PLPPR5: variants seen among roughly 807,000 people sequenced by gnomAD.
PLPPR5 encodes the protein phospholipid phosphatase-related protein type 5.
PLPPR5 carries 16 observed loss-of-function variants against 33.9 expected under a neutral mutation model. The observed-to-expected ratio is 0.47, with a 90% confidence interval of 0.32 to 0.72. PLPPR5 has a LOEUF of 0.72. Among genes scored for constraint, PLPPR5 ranks in the 30% least tolerant of loss-of-function variants. The pLI, the probability that PLPPR5 is intolerant of heterozygous loss-of-function variation, is 0.03. For missense variants in PLPPR5, 301 were observed against 406.7 expected, an observed-to-expected ratio of 0.74 and a Z score of 2.23; for synonymous variants, 163 against 150.3, an observed-to-expected ratio of 1.08 and a Z score of -0.62.
intron 3 of PLPPR5, among the ~76,000 whole-genome samples, chr1:98,951,869 C>T (rs1356458005): frequency 6.6e-6 from 1 of 152,040 alleles, no homozygotes; most frequent in Non-Finnish European, 1.5e-5. Context: ...AATTTGGTTT[C>T]GAATTGGTCC....
intron 4 of PLPPR5, among the ~76,000 whole-genome samples, chr1:98,915,595 C>G (rs1240310751): frequency 7.3e-5 from 11 of 151,458 alleles, no homozygotes. Context: ...AAATAAAAAG[C>G]CTGATGTTCT....
intron 1 of PLPPR5, 96 bp downstream of exon 1, chr1:99,004,339 A>T: frequency 9.1e-7 from 1 of 1,097,730 alleles, no homozygotes; most frequent in African/African-American, 1.6e-5. Flanking sequence ...TAGAAGGCAA[A>T]ACCTACTGCG....
intron 3 of PLPPR5, among the ~76,000 whole-genome samples, chr1:98,952,287 C>A (rs1037280607): frequency 6.8e-6 from 1 of 147,214 alleles, no homozygotes; most frequent in African/African-American, 2.5e-5. Flanking sequence ...AAAAAAAAAT[C>A]TCTGACCTTA....
chr1:99,004,839 G>A lies in PLPPR5; in HGVS notation c.-168C>T. 1 of 291,640 alleles carries A rather than the reference G, an allele frequency of 3.4e-6. No homozygotes were observed. Among genetic ancestry groups the A allele is most frequent in the Non-Finnish European group, 6.0e-6 (1 of 165,426 alleles). 18.1% of individuals were successfully genotyped at this position (291,640 alleles called of 1,614,324 possible). ...TGGAGGAAGAGGCGGAGGCAGGTCC[G>A]GGCTTCGAGGCGCCGGCAGGCTGCA... On this transcript the variant is annotated 5_prime_UTR_variant, in exon 1 of 6. Coordinates refer to ENST00000263177, the MANE Select transcript of PLPPR5 (RefSeq NM_001037317.2).
intron 3 of PLPPR5, among the ~76,000 whole-genome samples, chr1:98,933,482 C>CA (rs66504258): frequency 0.26 from 22,751 of 88,900 alleles, 3,360 homozygotes; most frequent in African/African-American, 0.45. Context: ...GACTCCGTCT[C>CA]AAAAAAAAAA....
At chr1:98,941,455 G>A (rs1307340177) in intron 3 of PLPPR5, among the ~76,000 whole-genome samples, 1 of 151,492 alleles carries the variant, frequency 6.6e-6, no homozygotes, top group South Asian at 2.1e-4. Context: ...CCATGTAACC[G>A]GTTTATAAGG....
chr1:98,979,805 C>A (rs1033082190), intron 1 of PLPPR5, among the ~76,000 whole-genome samples: 2 of 151,998 alleles, frequency 1.3e-5, no homozygotes, highest in African/African-American at 4.8e-5. Flanking sequence ...GACCAGCCTG[C>A]CTCATCTTAC....
chr1:98,893,976 CAACA>C (rs1338360433), intron 5 of PLPPR5, among the ~76,000 whole-genome samples: 2 of 151,858 alleles, frequency 1.3e-5, no homozygotes, highest in Non-Finnish European at 2.9e-5. Flanking sequence ...AAAATGTTCT[CAACA>C]TACATATAGC....
chr1:98,892,960 A>T lies in PLPPR5; in HGVS notation c.*112T>A, dbSNP rs549941278. The T allele has an allele frequency of 1.9e-6, 2 of 1,055,554 alleles. No individual in the cohort carries two copies. The highest frequency in any genetic ancestry group is 4.7e-5 in the Admixed American group (2 of 42,432). The allele number at this position is 1,055,554 out of a possible 1,614,324, so 65.4% of individuals were successfully genotyped here. On this transcript the variant is annotated 3_prime_UTR_variant, in exon 6 of 6. Coordinates refer to ENST00000263177, the MANE Select transcript of PLPPR5 (RefSeq NM_001037317.2). ...TGACATTGATTTTAAAATTATAAAA[A>T]TTATTAAACAACTTTATAAACTTCA...
chr1:99,000,160 C>G (rs144324232), intron 1 of PLPPR5, among the ~76,000 whole-genome samples: 2 of 152,096 alleles, frequency 1.3e-5, no homozygotes, highest in African/African-American at 4.8e-5. Flanking sequence ...AAATGCTATA[C>G]AGAACAAACT....
At chr1:98,961,933 T>C (rs1205780139) in intron 1 of PLPPR5, among the ~76,000 whole-genome samples, 1 of 152,148 alleles carries the variant, frequency 6.6e-6, no homozygotes, top group Non-Finnish European at 1.5e-5. Context: ...ATATTTCCCC[T>C]AAACCCCAGA....
chr1:98,950,168 GTTACT>G (rs1160367836), intron 3 of PLPPR5, among the ~76,000 whole-genome samples: 1 of 143,898 alleles, frequency 6.9e-6, no homozygotes, highest in Non-Finnish European at 1.5e-5. Context: ...ATCTGAGAAA[GTTACT>G]TTACTTTTTG....
At chr1:99,002,751 T>C (rs962418824) in intron 1 of PLPPR5, among the ~76,000 whole-genome samples, 1 of 152,084 alleles carries the variant, frequency 6.6e-6, no homozygotes, top group African/African-American at 2.4e-5. Flanking sequence ...CTATCTTATT[T>C]AAATAAGACA....
At chr1:98,976,694 C>T (rs886807500) in intron 1 of PLPPR5, among the ~76,000 whole-genome samples, 10 of 151,812 alleles carry the variant, frequency 6.6e-5, no homozygotes, top group Admixed American at 1.3e-4. Flanking sequence ...AGTACAAAAA[C>T]GATAACTTAT....
upstream of PLPPR5, chr1:99,004,906 C>G (rs1392303822): frequency 5.2e-6 from 1 of 191,264 alleles, no homozygotes; most frequent in Non-Finnish European, 1.1e-5. Flanking sequence ...CTCCCCTGCC[C>G]GCCCCCTGCC....
chr1:98,974,250 T>G (rs1651767597), intron 1 of PLPPR5, among the ~76,000 whole-genome samples: 1 of 152,022 alleles, frequency 6.6e-6, no homozygotes, highest in Non-Finnish European at 1.5e-5. Flanking sequence ...GGGTCCTCGA[T>G]CAGCCACATT....
intron 3 of PLPPR5, among the ~76,000 whole-genome samples, chr1:98,930,090 T>C (rs1005286423): frequency 1.3e-5 from 2 of 152,118 alleles, no homozygotes; most frequent in African/African-American, 4.8e-5. Flanking sequence ...AAAAGACAAA[T>C]CTGGAAATTT....
chr1:98,901,882 A>G (rs975652677), intron 5 of PLPPR5, among the ~76,000 whole-genome samples: 6 of 152,088 alleles, frequency 3.9e-5, no homozygotes, highest in African/African-American at 1.4e-4. Context: ...GGAAGCAATA[A>G]TCTATGTCTA....
At chr1:98,957,973 A>G (rs550219866) in intron 1 of PLPPR5, among the ~76,000 whole-genome samples, 1 of 152,336 alleles carries the variant, frequency 6.6e-6, no homozygotes, top group East Asian at 1.9e-4. Flanking sequence ...TTAATATTCC[A>G]TTTTACAAAT....
Sources: gnomAD v4.1 joint callset for allele counts (sites outside exome capture counted in the v4.1 genomes callset) on GRCh38, gnomAD v4.1.1 for gene constraint, MANE v1.5 for transcripts, NCBI Gene and HGNC (gene_info 2026-07-23, HGNC 2026-07-21) for gene names.